MFSD6: variants seen among roughly 807,000 people sequenced by gnomAD.
MFSD6 encodes the protein major facilitator superfamily domain-containing protein 6.
Under a neutral mutation model 56.3 loss-of-function variants are expected in MFSD6, and 26 were observed. The ratio of observed to expected loss-of-function variants is 0.46; its 90% CI spans 0.34 to 0.64. MFSD6 has a LOEUF of 0.64. MFSD6 is among the 30% of genes least tolerant of loss of function. The pLI is 0.01. For missense variants in MFSD6, 750 were observed against 986.2 expected, an observed-to-expected ratio of 0.76 and a Z score of 3.21; for synonymous variants, 331 against 366.9, an observed-to-expected ratio of 0.90 and a Z score of 1.12.
chr2:190,420,689 T>C (rs1175075945), intron 2 of MFSD6, among the ~76,000 whole-genome samples: 4 of 152,220 alleles, frequency 2.6e-5, no homozygotes, highest in Non-Finnish European at 5.9e-5. Flanking sequence ...GATATACTTG[T>C]TTTTGGTTTC....
rs1273714723 is a variant in MFSD6, at chr2:190,463,599, T to C, written c.1533-6159T>C. Among the ~76,000 whole-genome samples the C allele has an allele frequency of 6.6e-6, 1 of 152,114 alleles. No homozygotes were observed. Among genetic ancestry groups the C allele is most frequent in the South Asian group, 2.1e-4 (1 of 4,822 alleles). On this transcript the variant is annotated intron_variant, in intron 3 of 7. Coordinates refer to ENST00000392328, the MANE Select transcript of MFSD6 (RefSeq NM_017694.4). The surrounding 1 kb of genome is among the most constrained non-coding windows in gnomAD (Gnocchi z 4.4). ...ACTTTGGGAGGCTGAGATAGGAGGATTGCTTGAGCCCAGGAGTTCATGACC... is the reference window on the plus strand; with the variant it reads ...ACTTTGGGAGGCTGAGATAGGAGGACTGCTTGAGCCCAGGAGTTCATGACC...
chr2:190,409,042 C>T (rs2124972182), intron 1 of MFSD6, among the ~76,000 whole-genome samples: 1 of 152,320 alleles, frequency 6.6e-6, no homozygotes, highest in South Asian at 2.1e-4. Flanking sequence ...AGGAAATTGA[C>T]AACGTCTGCC....
rs934693843 is a variant in MFSD6 at position 190,457,079 on chromosome 2, G to A, written c.1533-12679G>A. Among the ~76,000 whole-genome samples, 2 of 152,140 alleles carry A rather than the reference G, an allele frequency of 1.3e-5. No homozygotes were observed. The highest frequency in any genetic ancestry group is 2.9e-5 in the Non-Finnish European group (2 of 68,028). The stretch of plus-strand genomic sequence containing the variant: ...CTATCTACACTAACACTGCTAGTCC[G>A]TTTCTTATGGTCCAATCCAGAGGTA... On this transcript the variant is annotated intron_variant, in intron 3 of 7. Transcript: ENST00000392328. The surrounding 1 kb of genome is among the most constrained non-coding windows in gnomAD (Gnocchi z 5.1).
In MFSD6 at chr2:190,471,840, C is replaced by G. The variant is rs112331458; in HGVS notation, c.1630+1985C>G. On this transcript the variant is annotated intron_variant, in intron 4 of 7. Coordinates refer to ENST00000392328, the MANE Select transcript of MFSD6 (RefSeq NM_017694.4). The surrounding 1 kb of genome is among the most constrained non-coding windows in gnomAD (Gnocchi z 4.7). ...AGTAGCCTAACTGGGAGGCACCCCC[C>G]AGTAGGGGCAGACTGATAACTCATA... Among the ~76,000 whole-genome samples the G allele has an allele frequency of 1.0e-3, 158 of 152,338 alleles. No homozygotes were observed. The highest frequency in any genetic ancestry group is 3.4e-3 in the African/African-American group (142 of 41,572).
intron 3 of MFSD6, among the ~76,000 whole-genome samples, chr2:190,450,153 T>C (rs77954891): frequency 0.012 from 1,900 of 152,292 alleles, 38 homozygotes; most frequent in African/African-American, 0.043. Context: ...TTATCTTGAG[T>C]AATAGAGTGT....
In MFSD6 at chr2:190,463,745, T is replaced by C. The variant is rs1351070165; in HGVS notation, c.1533-6013T>C. The C allele has an allele frequency of 8.7e-6, 3 of 346,086 alleles. No homozygotes were observed. Among genetic ancestry groups the C allele is most frequent in the Admixed American group, 1.3e-4 (2 of 15,464 alleles). 21.4% of individuals were successfully genotyped at this position (346,086 alleles called of 1,614,324 possible). On this transcript the variant is annotated intron_variant, in intron 3 of 7. Coordinates refer to ENST00000392328, the MANE Select transcript of MFSD6 (RefSeq NM_017694.4). The surrounding 1 kb of genome is among the most constrained non-coding windows in gnomAD (Gnocchi z 4.4). Reference sequence around the variant, plus strand: ...TGAGGTGGGAGGATCACCTGGGCTCTGGTGGTCAAGGCTGCATTGAGCTGT... The same window carrying C: ...TGAGGTGGGAGGATCACCTGGGCTCCGGTGGTCAAGGCTGCATTGAGCTGT...
intron 3 of MFSD6, among the ~76,000 whole-genome samples, chr2:190,449,965 GTAAC>G (rs1203226671): frequency 1.3e-5 from 2 of 152,012 alleles, no homozygotes; most frequent in African/African-American, 4.8e-5. Context: ...GTATACATAT[GTAAC>G]TAACCTGCAC....
intron 1 of MFSD6, among the ~76,000 whole-genome samples, chr2:190,414,402 A>C (rs1290027402): frequency 6.6e-6 from 1 of 152,258 alleles, no homozygotes; most frequent in African/African-American, 2.4e-5. Flanking sequence ...GTGTTTAACT[A>C]ATGAACAAAT....
rs1385639985 is a variant in MFSD6 at position 190,471,938 on chromosome 2, C to T, written c.1630+2083C>T. 1.3e-5 allele frequency among the ~76,000 whole-genome samples: 2 copies of T among 152,204 alleles called. No individual in the cohort carries two copies. The highest frequency in any genetic ancestry group is 2.4e-5 in the African/African-American group (1 of 41,436). On this transcript the variant is annotated intron_variant, in intron 4 of 7. Transcript: ENST00000392328. The surrounding 1 kb of genome is among the most constrained non-coding windows in gnomAD (Gnocchi z 4.7). ...AGCAATATTTGCTGTTCACCAATAT[C>T]CGCTGTTCTGCAGCTTTCACTGCTG...
At chr2:190,481,557 C>T (rs1371989579) in intron 4 of MFSD6, among the ~76,000 whole-genome samples, 1 of 152,226 alleles carries the variant, frequency 6.6e-6, no homozygotes, top group Non-Finnish European at 1.5e-5. Context: ...TCTCAAGGAG[C>T]TCAGTCTGCG....
At chr2:190,440,527 C>T (rs1375103367) in intron 3 of MFSD6, among the ~76,000 whole-genome samples, 1 of 152,188 alleles carries the variant, frequency 6.6e-6, no homozygotes, top group East Asian at 1.9e-4. Context: ...CTTAAGGTAT[C>T]TTCACATTGC....
intron 3 of MFSD6, chr2:190,444,924 G>T: frequency 6.3e-6 from 5 of 799,864 alleles, no homozygotes; most frequent in Non-Finnish European, 7.6e-6. Context: ...TTTGCACTAT[G>T]TATCTTGGTA....
At chr2:190,466,446 G>C (rs1192256094) in intron 3 of MFSD6, among the ~76,000 whole-genome samples, 1 of 152,096 alleles carries the variant, frequency 6.6e-6, no homozygotes, top group Non-Finnish European at 1.5e-5. Flanking sequence ...CTGATTTCTT[G>C]AAGCCACTGG....
chr2:190,441,195 G>A (rs142128975), intron 3 of MFSD6, among the ~76,000 whole-genome samples: 21 of 152,030 alleles, frequency 1.4e-4, no homozygotes, highest in Non-Finnish European at 2.2e-4. Flanking sequence ...TCCTTGCCCC[G>A]TATGAAAGGG....
intron 3 of MFSD6, among the ~76,000 whole-genome samples, chr2:190,449,438 C>T (rs567134689): frequency 6.6e-6 from 1 of 152,014 alleles, no homozygotes; most frequent in East Asian, 1.9e-4. Context: ...GGCACCACTG[C>T]ACACCCGCCT....
chr2:190,474,443 T>C (rs1437120791), intron 4 of MFSD6, among the ~76,000 whole-genome samples: 2 of 152,126 alleles, frequency 1.3e-5, no homozygotes, highest in African/African-American at 4.8e-5. Context: ...AACACCTCTA[T>C]GCAAATAAAC....
At chr2:190,477,369 A>C in intron 4 of MFSD6, 2 of 982,994 alleles carry the variant, frequency 2.0e-6, no homozygotes, top group Non-Finnish European at 2.4e-6. Flanking sequence ...AGACTCTATA[A>C]ATAAAGATTT....
rs369250106 is a variant in MFSD6 at position 190,470,799 on chromosome 2, A to C, written c.1630+944A>C. 8.5e-5 allele frequency among the ~76,000 whole-genome samples: 13 copies of C among 152,340 alleles called. 2 individuals carry two copies. The highest frequency in any genetic ancestry group is 2.9e-4 in the African/African-American group (12 of 41,584). ...AATTATACATCTAAACAGAATGTAC[A>C]AAATGCCAGCTCATTCATCAAATTC... On this transcript the variant is annotated intron_variant, in intron 4 of 7. Transcript: ENST00000392328.
chr2:190,488,603 A>C lies in MFSD6; in HGVS notation c.1631-54A>C. ...TTAAATAATTCACATTTCAAAACAGAGTAGCCTAAGAAATGCTAACCAACT... is the reference window on the plus strand; with the variant it reads ...TTAAATAATTCACATTTCAAAACAGCGTAGCCTAAGAAATGCTAACCAACT... On this transcript the variant is annotated intron_variant, in intron 4 of 7. Coordinates refer to ENST00000392328, the MANE Select transcript of MFSD6 (RefSeq NM_017694.4). The surrounding 1 kb of genome is among the most constrained non-coding windows in gnomAD (Gnocchi z 6.4). 7.3e-7 allele frequency: 1 copy of C among 1,366,462 alleles called. No homozygotes were observed. The highest frequency in any genetic ancestry group is 9.6e-7 in the Non-Finnish European group (1 of 1,038,514). 84.6% of individuals were successfully genotyped at this position (1,366,462 alleles called of 1,614,324 possible).
Sources: gnomAD v4.1 joint callset for allele counts (sites outside exome capture counted in the v4.1 genomes callset) on GRCh38, gnomAD v4.1.1 for gene constraint, Gnocchi (gnomAD v3.1) non-coding constraint, MANE v1.5 for transcripts, NCBI Gene and HGNC (gene_info 2026-07-23, HGNC 2026-07-21) for gene names.